The following OPCML variants were observed in gnomAD, a reference collection of about 807,000 sequenced individuals.
The protein encoded by OPCML is opioid-binding protein/cell adhesion molecule.
Under a neutral mutation model 37.8 loss-of-function variants are expected in OPCML, and 13 were observed. The ratio of observed to expected loss-of-function variants is 0.34; its 90% CI spans 0.22 to 0.55. OPCML has a LOEUF of 0.55. Among genes scored for constraint, OPCML ranks in the 20% least tolerant of loss-of-function variants. The pLI is 0.91. For missense variants in OPCML, 341 were observed against 435.6 expected (o/e 0.78, Z 1.93); for synonymous variants, 176 against 168.8 (o/e 1.04, Z -0.33).
chr11:132,597,014 A>G (rs2096493456), intron 3 of OPCML, among the ~76,000 whole-genome samples: 1 of 152,182 alleles, frequency 6.6e-6, no homozygotes, highest in Admixed American at 6.5e-5. Flanking sequence ...CTTCTCTCAT[A>G]TAGAATCTAT....
intron 1 of OPCML, among the ~76,000 whole-genome samples, chr11:133,315,463 G>C (rs1943183309): frequency 6.6e-6 from 1 of 152,160 alleles, no homozygotes; most frequent in Admixed American, 6.6e-5. Context: ...GTCACCTCAA[G>C]ATGAAATTCA....
chr11:133,191,504 G>GGTGTGTGTGT (rs56143154), intron 1 of OPCML, among the ~76,000 whole-genome samples: 9 of 142,458 alleles, frequency 6.3e-5, no homozygotes, highest in African/African-American at 1.8e-4. Context: ...TGTGTGTGTG[G>GGTGTGTGTGT]GTGTGTGTGT....
rs2096316346 is a variant in OPCML, at chr11:132,529,033, G to A, written c.505+28C>T. 2.7e-6 allele frequency: 4 copies of A among 1,476,716 alleles called. No individual in the cohort carries two copies. The African/African-American group carries it at 5.6e-5, about 21-fold the overall frequency. 91.5% of individuals were successfully genotyped at this position (1,476,716 alleles called of 1,614,324 possible). The stretch of plus-strand genomic sequence containing the variant: ...GCCAAGACTTTAACATACTACCTCT[G>A]AAAACGTCCTCCAGGTCAGCACCTT... On this transcript the variant is annotated intron_variant, in intron 4 of 7. Transcript: ENST00000524381.
chr11:133,083,390 CCT>C (rs1200818212), intron 1 of OPCML, among the ~76,000 whole-genome samples: 4 of 152,172 alleles, frequency 2.6e-5, no homozygotes, highest in Non-Finnish European at 5.9e-5. Context: ...TACTGGTGCC[CCT>C]GTCTCGGGTC....
At chr11:132,942,867 T>G in intron 2 of OPCML, 59 bp downstream of exon 2, 1 of 1,604,462 alleles carries the variant, frequency 6.2e-7, no homozygotes, top group South Asian at 1.1e-5. Flanking sequence ...CCCTCTTCCC[T>G]CCTCTCCCCA....
At chr11:132,704,073 C>T (rs1444248996) in intron 2 of OPCML, among the ~76,000 whole-genome samples, 1 of 152,098 alleles carries the variant, frequency 6.6e-6, no homozygotes, top group Non-Finnish European at 1.5e-5. Context: ...GGCCTGTGTC[C>T]TGTGTCTGTT....
chr11:132,499,922 A>G (rs1315430627), intron 4 of OPCML, among the ~76,000 whole-genome samples: 1 of 152,222 alleles, frequency 6.6e-6, no homozygotes, highest in Non-Finnish European at 1.5e-5. Context: ...TTAGGCATAT[A>G]GTACATGAAG....
Position 132,734,354 on chromosome 11 carries a change from G to A in OPCML, c.147-77035C>T, listed in dbSNP as rs1945184133. ...GACTCCCACAGTAGCATCACAAAAG[G>A]CGTTGCAGTTTCCACCTTGGTATTT... On this transcript the variant is annotated intron_variant, in intron 2 of 7. Coordinates refer to ENST00000524381, the MANE Select transcript of OPCML (RefSeq NM_001012393.5). Among the ~76,000 whole-genome samples, 2 of 152,110 alleles carry A rather than the reference G, an allele frequency of 1.3e-5. 1 individual carries two copies. Among genetic ancestry groups the A allele is most frequent in the South Asian group, 4.1e-4 (2 of 4,824 alleles).
chr11:132,524,412 A>T (rs893204200), intron 4 of OPCML, among the ~76,000 whole-genome samples: 5 of 152,098 alleles, frequency 3.3e-5, no homozygotes, highest in African/African-American at 1.2e-4. Context: ...ACAGATTTCC[A>T]TATGTGTGAA....
intron 1 of OPCML, among the ~76,000 whole-genome samples, chr11:133,324,045 A>G (rs773526445): frequency 3.0e-4 from 46 of 152,204 alleles, no homozygotes; most frequent in Admixed American, 2.5e-3. Flanking sequence ...CAGTAATTAA[A>G]TACAAAAGGC....
chr11:132,802,421 C>G (rs778055723), intron 2 of OPCML, among the ~76,000 whole-genome samples: 18 of 152,124 alleles, frequency 1.2e-4, no homozygotes, highest in African/African-American at 4.3e-4. Context: ...CTTTGCTCAG[C>G]CTGGTCTATG....
chr11:132,978,232 G>A (rs749622794), intron 1 of OPCML, among the ~76,000 whole-genome samples: 9 of 152,144 alleles, frequency 5.9e-5, no homozygotes, highest in Non-Finnish European at 1.0e-4. Flanking sequence ...TAGGAAAATC[G>A]TTTGGACCAA....
At chr11:133,047,223 G>A (rs1948033464) in intron 1 of OPCML, among the ~76,000 whole-genome samples, 1 of 152,224 alleles carries the variant, frequency 6.6e-6, no homozygotes, top group Non-Finnish European at 1.5e-5. Flanking sequence ...AGCAGCACAT[G>A]CCACTTTTAG....
intron 2 of OPCML, among the ~76,000 whole-genome samples, chr11:132,873,390 G>T (rs993417071): frequency 2.0e-5 from 3 of 152,138 alleles, no homozygotes; most frequent in Admixed American, 2.0e-4. Context: ...ACAAGGCCAA[G>T]AGCCCCCCAG....
intron 3 of OPCML, among the ~76,000 whole-genome samples, chr11:132,576,215 T>A (rs1453747230): frequency 6.6e-6 from 1 of 152,080 alleles, no homozygotes. Flanking sequence ...TTGGAAAGTT[T>A]TCAGTTATTA....
At chr11:132,516,788 A>G (rs940888718) in intron 4 of OPCML, among the ~76,000 whole-genome samples, 2 of 152,132 alleles carry the variant, frequency 1.3e-5, no homozygotes, top group African/African-American at 2.4e-5. Flanking sequence ...TTAAATAAAC[A>G]TTGTGCGCTT....
chr11:132,555,891 T>C (rs1257910688), intron 3 of OPCML, among the ~76,000 whole-genome samples: 1 of 152,138 alleles, frequency 6.6e-6, no homozygotes, highest in Non-Finnish European at 1.5e-5. Context: ...AAAGAGAGTA[T>C]AAAGAACTTC....
chr11:132,861,622 G>A (rs1223891251), intron 2 of OPCML, among the ~76,000 whole-genome samples: 3 of 152,088 alleles, frequency 2.0e-5, no homozygotes, highest in Non-Finnish European at 4.4e-5. Context: ...GAATCACGAG[G>A]TCAGGAGATT....
chr11:132,908,910 C>A (rs933735872), intron 2 of OPCML, among the ~76,000 whole-genome samples: 1 of 152,316 alleles, frequency 6.6e-6, no homozygotes, highest in African/African-American at 2.4e-5. Flanking sequence ...ACTGTGGGCA[C>A]CAGCTTGAGG....
Sources: allele counts gnomAD v4.1 joint callset (sites outside exome capture counted in the v4.1 genomes callset), GRCh38; gene constraint gnomAD v4.1.1; transcripts MANE v1.5; gene names NCBI Gene and HGNC (gene_info 2026-07-23, HGNC 2026-07-21).